Variants in KCNK13 observed in about 807,000 individuals in gnomAD.
The protein encoded by KCNK13 is potassium two pore domain channel subfamily K member 13.
KCNK13 carries 12 observed loss-of-function variants against 23.4 expected under a neutral mutation model. That is an observed-to-expected ratio of 0.51 (90% CI 0.33 to 0.83). The LOEUF (loss-of-function observed/expected upper bound fraction) is 0.83. KCNK13 is among the 40% of genes least tolerant of loss of function. The probability of loss-of-function intolerance (pLI) is 0.02; values close to 1 mark genes in which losing one functional copy is unlikely to be tolerated. For synonymous variants in KCNK13, 231 were observed against 229.5 expected, an observed-to-expected ratio of 1.01 and a Z score of -0.06; for missense variants, 463 against 556.3, an observed-to-expected ratio of 0.83 and a Z score of 1.69.
At chr14:90,148,816 T>C (rs1890102665) in intron 1 of KCNK13, among the ~76,000 whole-genome samples, 1 of 152,254 alleles carries the variant, frequency 6.6e-6, no homozygotes, top group Non-Finnish European at 1.5e-5. Context: ...ACTTGTGAGA[T>C]GCTGGACAGA....
At chr14:90,073,433 C>T (rs1889099821) in intron 1 of KCNK13, among the ~76,000 whole-genome samples, 1 of 152,174 alleles carries the variant, frequency 6.6e-6, no homozygotes, top group Non-Finnish European at 1.5e-5. Context: ...CATATTTGAT[C>T]CCAGATGTCA....
At chr14:90,153,145 C>T (rs932685392) in intron 1 of KCNK13, among the ~76,000 whole-genome samples, 3 of 152,190 alleles carry the variant, frequency 2.0e-5, no homozygotes, top group East Asian at 3.8e-4. Context: ...TCCCCTGCCT[C>T]CCAGGGGAAG....
intron 1 of KCNK13, among the ~76,000 whole-genome samples, chr14:90,078,436 A>G (rs992402930): frequency 6.6e-6 from 1 of 151,282 alleles, no homozygotes; most frequent in Non-Finnish European, 1.5e-5. Context: ...AAAAAGAAAG[A>G]AAAAAAAGAA....
chr14:90,064,672 C>G (rs1032202662), intron 1 of KCNK13, among the ~76,000 whole-genome samples: 1 of 152,174 alleles, frequency 6.6e-6, no homozygotes, highest in South Asian at 2.1e-4. Context: ...CCTCCGTCTG[C>G]GTAAGCCTGC....
Position 90,062,510 on chromosome 14 carries a change from A to C in KCNK13, c.305A>C (p.Tyr102Ser), listed in dbSNP as rs749002510. Residue 102 changes from tyrosine (Y) to serine (S), a missense_variant, in exon 1 of 2, where the codon TAC (tyrosine) becomes TCC (serine). Physicochemically the swap from Tyr to Ser is moderately radical, Grantham distance 144. Around this residue, in one of 3 missense-constraint regions of KCNK13, gnomAD observed 153 missense variants for 153.6 expected, o/e 1.00. Coordinates refer to ENST00000282146, the MANE Select transcript of KCNK13 (RefSeq NM_022054.4). The surrounding 1 kb of genome is among the most constrained non-coding windows in gnomAD (Gnocchi z 4.5). ...RPRWDFTGAFYFVGTVVSTIG... is the reference protein window; with the variant it reads ...RPRWDFTGAFSFVGTVVSTIG... ...CGCTGGGACTTCACCGGCGCCTTCT[A>C]CTTCGTGGGCACCGTCGTTTCCACC... 7 of 1,523,540 alleles carry C rather than the reference A, an allele frequency of 4.6e-6. No homozygotes were observed. In the South Asian group the frequency reaches 8.8e-5, roughly 19 times the overall value. The allele number at this position is 1,523,540 out of a possible 1,614,324, so 94.4% of individuals were successfully genotyped here.
chr14:90,079,199 G>A (rs1889178881), intron 1 of KCNK13, among the ~76,000 whole-genome samples: 1 of 152,124 alleles, frequency 6.6e-6, no homozygotes, highest in Non-Finnish European at 1.5e-5. Flanking sequence ...GAGCGAGGGG[G>A]TGTCCCTTCC....
chr14:90,178,585 G>C (rs942038203), intron 1 of KCNK13, among the ~76,000 whole-genome samples: 2 of 151,928 alleles, frequency 1.3e-5, no homozygotes, highest in Non-Finnish European at 2.9e-5. Flanking sequence ...CCACCACACC[G>C]GGCCTGATGT....
At chr14:90,149,769 AAAG>A (rs1229636767) in intron 1 of KCNK13, among the ~76,000 whole-genome samples, 3 of 152,190 alleles carry the variant, frequency 2.0e-5, no homozygotes, top group Non-Finnish European at 4.4e-5. Context: ...ATGGTGATGG[AAAG>A]AAGAATTCAG....
In KCNK13 at chr14:90,078,469, G is replaced by C. The variant is rs191575746; in HGVS notation, c.334+15930G>C. Reference sequence around the variant, plus strand: ...GAAAGAGAGGAAGGAAGGAAGGAGGGAGGGAAGGAAGGAAGGAAGAAAGGA... The same window carrying C: ...GAAAGAGAGGAAGGAAGGAAGGAGGCAGGGAAGGAAGGAAGGAAGAAAGGA... On this transcript the variant is annotated intron_variant, in intron 1 of 1. Coordinates refer to ENST00000282146, the MANE Select transcript of KCNK13 (RefSeq NM_022054.4). Among the ~76,000 whole-genome samples the C allele has an allele frequency of 3.2e-3, 482 of 150,624 alleles. 5 individuals are homozygous for C. The highest frequency in any genetic ancestry group is 0.011 in the African/African-American group (461 of 40,840).
intron 1 of KCNK13, among the ~76,000 whole-genome samples, chr14:90,063,771 G>A (rs980037688): frequency 2.0e-5 from 3 of 152,192 alleles, no homozygotes; most frequent in African/African-American, 7.2e-5. Context: ...AGACAAAAGA[G>A]ATTGGCTTCA....
rs1008419697 is a variant in KCNK13 at position 90,108,159 on chromosome 14, A to G, written c.334+45620A>G. ...CAACTTGCTCTTGACCACGGGGCCA[A>G]GAAGGTTGATGGGCCATCTTGGTTT... On this transcript the variant is annotated intron_variant, in intron 1 of 1. Transcript: ENST00000282146. Among the ~76,000 whole-genome samples the G allele has an allele frequency of 4.6e-5, 7 of 152,182 alleles. No individual in the cohort carries two copies. The South Asian group carries it at 8.3e-4, about 18-fold the overall frequency.
chr14:90,094,009 G>A (rs555487851), intron 1 of KCNK13, among the ~76,000 whole-genome samples: 1 of 152,236 alleles, frequency 6.6e-6, no homozygotes, highest in South Asian at 2.1e-4. Context: ...TCTCATGACA[G>A]CAGATCTCTT....
rs145364526 is a variant in KCNK13 at position 90,139,670 on chromosome 14, A to C, written c.335-44441A>C. Reference sequence around the variant, plus strand: ...CGTGAGCAAGAAAAGAAGCAGAAACATCCGATAGGGGCTGGGTGCGGTGTC... The same window carrying C: ...CGTGAGCAAGAAAAGAAGCAGAAACCTCCGATAGGGGCTGGGTGCGGTGTC... On this transcript the variant is annotated intron_variant, in intron 1 of 1. Coordinates refer to ENST00000282146, the MANE Select transcript of KCNK13 (RefSeq NM_022054.4). Among the ~76,000 whole-genome samples, 453 of 152,268 alleles carry C rather than the reference A, an allele frequency of 3.0e-3. 2 individuals are homozygous for C. The highest frequency in any genetic ancestry group is 0.01 in the African/African-American group (427 of 41,564).
intron 1 of KCNK13, among the ~76,000 whole-genome samples, chr14:90,069,915 AC>A (rs1889053719): frequency 6.6e-6 from 1 of 152,180 alleles, no homozygotes; most frequent in African/African-American, 2.4e-5. Context: ...TAGAATTAGA[AC>A]CAAGTTTTGT....
intron 1 of KCNK13, among the ~76,000 whole-genome samples, chr14:90,104,097 T>C (rs551757670): frequency 6.6e-6 from 1 of 152,294 alleles, no homozygotes; most frequent in East Asian, 1.9e-4. Flanking sequence ...TTTTCTCTCC[T>C]GATCTTACCC....
At chr14:90,116,024 A>C (rs527982881) in intron 1 of KCNK13, among the ~76,000 whole-genome samples, 2 of 152,364 alleles carry the variant, frequency 1.3e-5, no homozygotes, top group Non-Finnish European at 2.9e-5. Context: ...TTTTCATTAA[A>C]TGGAATGATT....
intron 1 of KCNK13, among the ~76,000 whole-genome samples, chr14:90,167,552 G>C (rs1010115544): frequency 2.8e-4 from 42 of 152,138 alleles, no homozygotes; most frequent in African/African-American, 1.0e-3. Flanking sequence ...TGTAGGTAAG[G>C]CTCAGGAATC....
chr14:90,099,933 C>T (rs1889454176), intron 1 of KCNK13, among the ~76,000 whole-genome samples: 1 of 152,194 alleles, frequency 6.6e-6, no homozygotes, highest in African/African-American at 2.4e-5. Flanking sequence ...ACACAAAACT[C>T]ACATCTCCTT....
chr14:90,080,205 G>A (rs1889190546), intron 1 of KCNK13, among the ~76,000 whole-genome samples: 1 of 152,148 alleles, frequency 6.6e-6, no homozygotes, highest in Non-Finnish European at 1.5e-5. Context: ...TGTAACCCCA[G>A]CACTTTGAGA....
Sources: gnomAD v4.1 joint callset for allele counts (sites outside exome capture counted in the v4.1 genomes callset) on GRCh38, gnomAD v4.1.1 for gene constraint, gnomAD v4.1.1 regional missense constraint, Gnocchi (gnomAD v3.1) non-coding constraint, MANE v1.5 for transcripts, NCBI Gene and HGNC (gene_info 2026-07-23, HGNC 2026-07-21) for gene names.